FAM186A: variants seen among roughly 807,000 people sequenced by gnomAD.
FAM186A encodes protein FAM186A.
A neutral mutation model predicts 216.8 loss-of-function variants in FAM186A; 163 were observed. That is an observed-to-expected ratio of 0.75 (90% CI 0.66 to 0.86). FAM186A has a LOEUF of 0.86. Among genes scored for constraint, FAM186A ranks in the 40% least tolerant of loss-of-function variants. The pLI is 0.00. For missense variants in FAM186A, 2,184 were observed against 2,746.2 expected, an observed-to-expected ratio of 0.80 and a Z score of 4.58; for synonymous variants, 805 against 1,025.3, an observed-to-expected ratio of 0.79 and a Z score of 4.10.
At chr12:50,394,892 G>A (rs780695507) in intron 1 of FAM186A, among the ~76,000 whole-genome samples, 104 of 151,310 alleles carry the variant, frequency 6.9e-4, no homozygotes, top group Non-Finnish European at 1.2e-3. Flanking sequence ...CCACTTCCTG[G>A]CTAATTTTTA....
At position 50,351,049 on chromosome 12, in the gene FAM186A, G is replaced by A; in HGVS notation, c.5783C>T (p.Ser1928Phe). 5.8e-6 allele frequency: 9 copies of A among 1,551,478 alleles called. No homozygotes were observed. The highest frequency in any genetic ancestry group is 7.8e-6 in the Non-Finnish European group (9 of 1,146,954). ...CGGCCATAGTGTGGGAGGATGTCTA[G>A]AGGTGGGAGGGATCCATAATGAAGA... ...RASSLWIPPT[S>F]RHPPTLWPSP... Residue 1928 changes from serine to phenylalanine, a missense_variant, in exon 4 of 8, where the codon TCT (serine) becomes TTT (phenylalanine). Physicochemically the swap from Ser to Phe is radical, Grantham distance 155. Coordinates refer to ENST00000327337, the MANE Select transcript of FAM186A (RefSeq NM_001145475.3).
intron 1 of FAM186A, among the ~76,000 whole-genome samples, chr12:50,366,391 T>C (rs1332142029): frequency 6.6e-6 from 1 of 152,142 alleles, no homozygotes; most frequent in Admixed American, 6.6e-5. Context: ...CAACTCATCC[T>C]TTGAGGCCAA....
At position 50,369,991 on chromosome 12, in the gene FAM186A, G is replaced by A. The variant is rs576477786; in HGVS notation, c.193-6627C>T. ...TACAAAAAATTAGCCGGGCGTGGTG[G>A]TGGGCGCCTGTAGTCCCAGCTACTC... is the stretch of plus-strand genomic sequence containing the variant. On this transcript the variant is annotated intron_variant, in intron 1 of 7. Coordinates refer to ENST00000327337, the MANE Select transcript of FAM186A (RefSeq NM_001145475.3). Among the ~76,000 whole-genome samples the A allele has an allele frequency of 4.1e-4, 62 of 151,906 alleles. No homozygotes were observed. The South Asian group carries it at 5.2e-3, about 13-fold the overall frequency.
At chr12:50,329,807 G>A (rs1020444797) in intron 7 of FAM186A, among the ~76,000 whole-genome samples, 1 of 152,048 alleles carries the variant, frequency 6.6e-6, no homozygotes, top group East Asian at 1.9e-4. Flanking sequence ...TGTTGGCCAG[G>A]TTGGTCTGAA....
intron 1 of FAM186A, among the ~76,000 whole-genome samples, chr12:50,378,573 TACAC>T (rs1347007206): frequency 1.7e-4 from 2 of 12,078 alleles, no homozygotes; most frequent in South Asian, 9.5e-3. Flanking sequence ...TATATATATA[TACAC>T]ATATGTAAAT....
rs1455091671 is a variant in FAM186A, at chr12:50,352,440, A to T, written c.4392T>A (p.Ala1464=). The change falls in exon 4 of 8, where the codon GCT becomes GCA. Residue 1464 remains alanine, a synonymous_variant. Transcript: ENST00000327337. Reference sequence around the variant, plus strand: ...GGGTGAGAGGGATCCCCAATTCCTGAGCCTGCTGAGGGGTGAGAGTGATCC... The same window carrying T: ...GGGTGAGAGGGATCCCCAATTCCTGTGCCTGCTGAGGGGTGAGAGTGATCC... ...ELGITLTPQQ[A]QELGIPLTPQ... 1 of 1,459,828 alleles carries T rather than the reference A, an allele frequency of 6.9e-7. No homozygotes were observed. The highest frequency in any genetic ancestry group is 9.1e-7 in the Non-Finnish European group (1 of 1,101,006). The allele number at this position is 1,459,828 out of a possible 1,614,324, so 90.4% of individuals were successfully genotyped here.
intron 1 of FAM186A, among the ~76,000 whole-genome samples, chr12:50,395,402 C>T (rs1798552925): frequency 2.0e-5 from 3 of 152,100 alleles, no homozygotes; most frequent in Non-Finnish European, 4.4e-5. Context: ...TTTTGTTGTA[C>T]TGCGAGAGAA....
intron 1 of FAM186A, among the ~76,000 whole-genome samples, chr12:50,393,554 A>AT (rs1275900084): frequency 5.8e-4 from 88 of 151,316 alleles, no homozygotes; most frequent in African/African-American, 2.1e-3. Context: ...AAAAAAAAAA[A>AT]GTGTATTTTG....
chr12:50,390,213 G>C (rs906068260), intron 1 of FAM186A, among the ~76,000 whole-genome samples: 1 of 152,202 alleles, frequency 6.6e-6, no homozygotes, highest in Non-Finnish European at 1.5e-5. Flanking sequence ...CTCAGAGCCA[G>C]TGCCCAGTAG....
chr12:50,374,151 T>G (rs1592626996), intron 1 of FAM186A, among the ~76,000 whole-genome samples: 2 of 86,848 alleles, frequency 2.3e-5, no homozygotes, highest in African/African-American at 4.7e-5. Flanking sequence ...GGGACTGTTG[T>G]GGGGTGGGGG....
intron 1 of FAM186A, among the ~76,000 whole-genome samples, chr12:50,383,917 A>C (rs1592633721): frequency 6.6e-6 from 1 of 152,100 alleles, no homozygotes; most frequent in African/African-American, 2.4e-5. Context: ...CAGGAAATCG[A>C]GACCATCCTG....
chr12:50,364,393 A>G (rs903718913), intron 1 of FAM186A, among the ~76,000 whole-genome samples: 2 of 151,516 alleles, frequency 1.3e-5, no homozygotes, highest in African/African-American at 4.9e-5. Context: ...TCTCTCCTAA[A>G]AAAAAATACA....
intron 1 of FAM186A, among the ~76,000 whole-genome samples, chr12:50,377,929 G>GA (rs1337300868): frequency 6.6e-6 from 1 of 151,726 alleles, no homozygotes; most frequent in Non-Finnish European, 1.5e-5. Flanking sequence ...ATACTGTTAA[G>GA]AAAATGAAAA....
At position 50,350,865 on chromosome 12, in the gene FAM186A, T is replaced by A; in HGVS notation, c.5967A>T (p.Gln1989His). The A allele has an allele frequency of 6.4e-7, 1 of 1,551,680 alleles. No homozygotes were observed. Among genetic ancestry groups the A allele is most frequent in the South Asian group, 1.2e-5 (1 of 84,060 alleles). The change falls in exon 4 of 8, where the codon CAA (glutamine) becomes CAT (histidine). Residue 1989 changes from glutamine (Q) to histidine (H), a missense_variant. Physicochemically the swap from Gln to His is conservative, Grantham distance 24. This residue lies in a region of FAM186A where 721 missense variants were observed against 816.4 expected (regional missense o/e 0.88). Coordinates refer to ENST00000327337, the MANE Select transcript of FAM186A (RefSeq NM_001145475.3). ...CGGAAGTGTCAGAGACCTCCGACAT[T>A]TGGAACTTCTTAGTGGTGAAAGGAA... ...AQVPFTTKKFQMSEVSDTSEE... is the reference protein window; with the variant it reads ...AQVPFTTKKFHMSEVSDTSEE...
In FAM186A at chr12:50,331,669, C is replaced by T; in HGVS notation, c.6848+1G>A. ...TTAATATCAGTCTTTCTAGCACATA[C>T]CTAAATTTCTTGCATATGTCAGAGG... is the stretch of plus-strand genomic sequence containing the variant. On this transcript the variant is annotated splice_donor_variant, in intron 6 of 7. Coordinates refer to ENST00000327337, the MANE Select transcript of FAM186A (RefSeq NM_001145475.3). LOFTEE classifies it high-confidence loss of function. 1 of 1,538,482 alleles carries T rather than the reference C, an allele frequency of 6.5e-7. No individual in the cohort carries two copies. The highest frequency in any genetic ancestry group is 8.7e-7 in the Non-Finnish European group (1 of 1,144,216).
chr12:50,351,785 GT>G lies in FAM186A; in HGVS notation c.5046del (p.Glu1682AspfsTer4). On this transcript the variant is annotated frameshift_variant, in exon 4 of 8. Transcript: ENST00000327337. LOFTEE classifies it high-confidence loss of function. ...AGAGGAACCCCTAACTTCAATAACTGTTCTTGAGCCTGTTCTAAGTTCATAG... is the reference window on the plus strand; with the variant it reads ...AGAGGAACCCCTAACTTCAATAACTGTCTTGAGCCTGTTCTAAGTTCATAG... ...ESPMNLEQAQ[E>X]QLLKLGVPLT... 3 of 1,550,512 alleles carry G rather than the reference GT, an allele frequency of 1.9e-6. No homozygotes were observed. Among genetic ancestry groups the G allele is most frequent in the Non-Finnish European group, 2.6e-6 (3 of 1,146,372 alleles).
Position 50,396,504 on chromosome 12 carries a change from T to C in FAM186A, c.-20A>G, listed in dbSNP as rs1010032884. ...GAACATTTTGAAAATGTGGGTGATT[T>C]CGTTTTATTTCTTCTTTTTCACAGA... On this transcript the variant is annotated 5_prime_UTR_variant, in exon 1 of 8. Coordinates refer to ENST00000327337, the MANE Select transcript of FAM186A (RefSeq NM_001145475.3). 2.6e-6 allele frequency: 4 copies of C among 1,529,518 alleles called. No homozygotes were observed. Among genetic ancestry groups the C allele is most frequent in the Non-Finnish European group, 2.6e-6 (3 of 1,138,342 alleles). The allele number at this position is 1,529,518 out of a possible 1,614,324, so 94.7% of individuals were successfully genotyped here.
At chr12:50,359,174 G>A (rs985061898) in intron 3 of FAM186A, among the ~76,000 whole-genome samples, 1 of 151,944 alleles carries the variant, frequency 6.6e-6, no homozygotes, top group South Asian at 2.1e-4. Flanking sequence ...AGAGGCGGGT[G>A]GATCACCTGA....
chr12:50,339,518 A>T (rs1344128553), intron 4 of FAM186A, among the ~76,000 whole-genome samples: 5 of 152,096 alleles, frequency 3.3e-5, no homozygotes, highest in African/African-American at 1.2e-4. Flanking sequence ...ATGCCTCTGT[A>T]TGAGCTTTAC....
Sources: allele counts gnomAD v4.1 joint callset (sites outside exome capture counted in the v4.1 genomes callset), GRCh38; gene constraint gnomAD v4.1.1; regional missense constraint gnomAD v4.1.1; transcripts MANE v1.5; gene names NCBI Gene and HGNC (gene_info 2026-07-23, HGNC 2026-07-21).